Variants in BANP observed in about 807,000 individuals in gnomAD.
BANP encodes the protein BTG3 associated nuclear protein.
Under a neutral mutation model 68.1 loss-of-function variants are expected in BANP, and 11 were observed. That is an observed-to-expected ratio of 0.16 (90% CI 0.10 to 0.27). The LOEUF (loss-of-function observed/expected upper bound fraction) is 0.27. Ranked by LOEUF, BANP falls within the 10% of genes least tolerant of loss-of-function variation. BANP has a pLI of 1.00. For synonymous variants in BANP, 329 were observed against 303.2 expected (o/e 1.09, Z -0.88); for missense variants, 504 against 722.7 (o/e 0.70, Z 3.47).
At chr16:88,063,053 T>G (rs2087317991) in intron 11 of BANP, among the ~76,000 whole-genome samples, 2 of 152,336 alleles carry the variant, frequency 1.3e-5, no homozygotes, top group African/African-American at 2.4e-5. Context: ...AAACTATATC[T>G]CAGCCTCCTG....
At chr16:88,011,808 CT>C (rs1305765305) in intron 6 of BANP, among the ~76,000 whole-genome samples, 3 of 152,134 alleles carry the variant, frequency 2.0e-5, no homozygotes, top group Non-Finnish European at 2.9e-5. Flanking sequence ...GGTACCCCCC[CT>C]CTTCCTCTCC....
intron 6 of BANP, among the ~76,000 whole-genome samples, chr16:88,011,477 A>T (rs2073109114): frequency 1.3e-5 from 2 of 152,090 alleles, no homozygotes. Context: ...ATTATTTTTC[A>T]CTTTAAGAAA....
At chr16:88,027,254 A>G (rs1381369627) in intron 7 of BANP, among the ~76,000 whole-genome samples, 3 of 152,112 alleles carry the variant, frequency 2.0e-5, no homozygotes, top group Non-Finnish European at 2.9e-5. Flanking sequence ...AGAGTGTGTC[A>G]TGACACCTTA....
intron 1 of BANP, among the ~76,000 whole-genome samples, chr16:87,967,990 G>A (rs2060387281): frequency 6.8e-6 from 1 of 146,914 alleles, no homozygotes; most frequent in Non-Finnish European, 1.5e-5. Flanking sequence ...CCGACCTCAG[G>A]TGATCCACCC....
chr16:88,040,753 C>T (rs1404971102), intron 11 of BANP, among the ~76,000 whole-genome samples: 1 of 152,234 alleles, frequency 6.6e-6, no homozygotes, highest in Non-Finnish European at 1.5e-5. Flanking sequence ...TGAGCACTGG[C>T]TTGATTGATG....
intron 1 of BANP, among the ~76,000 whole-genome samples, chr16:87,974,658 C>T (rs1458690920): frequency 6.6e-6 from 1 of 152,026 alleles, no homozygotes; most frequent in Non-Finnish European, 1.5e-5. Flanking sequence ...GTGAGTGTAG[C>T]AGGGCTGAGG....
At chr16:88,050,356 C>T (rs539835672) in intron 11 of BANP, among the ~76,000 whole-genome samples, 1 of 152,242 alleles carries the variant, frequency 6.6e-6, no homozygotes. Context: ...AGGATTTTGC[C>T]ATGTTGCCAG....
chr16:87,997,701 T>G (rs2067664367), intron 4 of BANP, among the ~76,000 whole-genome samples: 1 of 146,658 alleles, frequency 6.8e-6, no homozygotes. Context: ...GTGGGTGAAA[T>G]AGCCAGGATA....
chr16:88,070,845 C>T (rs1049166312), intron 12 of BANP, among the ~76,000 whole-genome samples: 8 of 152,206 alleles, frequency 5.3e-5, no homozygotes, highest in South Asian at 2.1e-4. Context: ...CTCTGGGCGC[C>T]GTACTTTGCT....
chr16:88,064,773 C>T lies in BANP; in HGVS notation c.1312-494C>T, dbSNP rs965412925. Among the ~76,000 whole-genome samples the T allele has an allele frequency of 7.2e-5, 11 of 152,202 alleles. No homozygotes were observed. The highest frequency in any genetic ancestry group is 2.0e-4 in the Admixed American group (3 of 15,290). ...GGTTGGGGGTGCTGCCGCTCTTGCC[C>T]GCAGGGCACTCCTCTGGCTGGGATA... is the stretch of plus-strand genomic sequence containing the variant. On this transcript the variant is annotated intron_variant, in intron 11 of 13. Transcript: ENST00000682872. The surrounding 1 kb of genome is among the most constrained non-coding windows in gnomAD (Gnocchi z 4.5).
chr16:88,003,497 C>G lies in BANP; in HGVS notation c.363-798C>G. 4.4e-6 allele frequency: 2 copies of G among 456,298 alleles called. No homozygotes were observed. The highest frequency in any genetic ancestry group is 3.1e-5 in the South Asian group (2 of 64,566). The allele number at this position is 456,298 out of a possible 1,614,324, so 28.3% of individuals were successfully genotyped here. A position where few individuals can be genotyped will look rare whatever the true frequency, so the allele number is the denominator to read the frequency against. On this transcript the variant is annotated intron_variant, in intron 4 of 13. Transcript: ENST00000682872. The surrounding 1 kb of genome is among the most constrained non-coding windows in gnomAD (Gnocchi z 6.1). ...CTCTCCCCAGCCTTCCACAACAAAG[C>G]GGACCTTAGATATCCCTTGTGACCA...
intron 1 of BANP, among the ~76,000 whole-genome samples, chr16:87,974,121 A>T (rs1449792763): frequency 6.6e-6 from 1 of 152,224 alleles, no homozygotes. Context: ...ACTTTATACC[A>T]TTTATGTGTC....
rs760172496 is a variant in BANP, at chr16:88,076,691, C to T, written c.*30C>T. 35 of 1,586,492 alleles carry T rather than the reference C, an allele frequency of 2.2e-5. No homozygotes were observed. The South Asian group carries it at 3.8e-4, about 17-fold the overall frequency. On this transcript the variant is annotated 3_prime_UTR_variant, in exon 14 of 14. Transcript: ENST00000682872. ...TGCCCATGGCACCAGGAGCCCCTCGCCGGCTCCGCCTACGGCCCGGCCCCC... is the reference window on the plus strand; with the variant it reads ...TGCCCATGGCACCAGGAGCCCCTCGTCGGCTCCGCCTACGGCCCGGCCCCC...
At chr16:88,074,290 G>A (rs1192636886) in intron 13 of BANP, among the ~76,000 whole-genome samples, 1 of 152,192 alleles carries the variant, frequency 6.6e-6, no homozygotes, top group Non-Finnish European at 1.5e-5. Flanking sequence ...CTCGTTCTAG[G>A]AAAACCTGTG....
chr16:88,027,446 C>T (rs755473781), intron 7 of BANP, 37 bp from the exon 8 acceptor site: 6 of 1,610,952 alleles, frequency 3.7e-6, no homozygotes, highest in Non-Finnish European at 4.2e-6. Flanking sequence ...CTGTCCCGAA[C>T]AGGCCTCACC....
chr16:88,073,259 TG>T (rs1299380471), intron 13 of BANP, among the ~76,000 whole-genome samples: 1 of 152,230 alleles, frequency 6.6e-6, no homozygotes, highest in African/African-American at 2.4e-5. Context: ...ATGATGTCAG[TG>T]CTCACCTGAC....
intron 9 of BANP, among the ~76,000 whole-genome samples, chr16:88,034,016 GTCA>G (rs2078762510): frequency 2.0e-5 from 3 of 152,202 alleles, no homozygotes; most frequent in Admixed American, 2.0e-4. Context: ...CTGAAGACAG[GTCA>G]TCGTGTGCCT....
chr16:88,032,101 G>T (rs1286825736), intron 8 of BANP, among the ~76,000 whole-genome samples: 1 of 151,940 alleles, frequency 6.6e-6, no homozygotes, highest in Non-Finnish European at 1.5e-5. Context: ...CACCGCGCCT[G>T]GCCCGCTTCT....
At position 88,071,125 on chromosome 16, in the gene BANP, C is replaced by G. The variant is rs2090192910; in HGVS notation, c.1378-944C>G. ...GGCCAGGCTCCGTGGGGTGGGGCAC[C>G]CTGCGACGGGCTGCTCCTCTTCCCA... On this transcript the variant is annotated intron_variant, in intron 12 of 13. Coordinates refer to ENST00000682872, the MANE Select transcript of BANP (RefSeq NM_001386991.1). The surrounding 1 kb of genome is among the most constrained non-coding windows in gnomAD (Gnocchi z 6.5). 3.6e-6 allele frequency: 1 copy of G among 280,328 alleles called. No individual in the cohort carries two copies. The allele number at this position is 280,328 out of a possible 1,614,324, so 17.4% of individuals were successfully genotyped here.
Sources: allele counts gnomAD v4.1 joint callset (sites outside exome capture counted in the v4.1 genomes callset), GRCh38; gene constraint gnomAD v4.1.1; non-coding constraint Gnocchi (gnomAD v3.1); transcripts MANE v1.5; gene names NCBI Gene and HGNC (gene_info 2026-07-23, HGNC 2026-07-21).